DKK2: variants seen among roughly 807,000 people sequenced by gnomAD.
DKK2 encodes the protein dickkopf-related protein 2.
Under a neutral mutation model 28.1 loss-of-function variants are expected in DKK2, and 11 were observed. The observed-to-expected ratio is 0.39, with a 90% confidence interval of 0.25 to 0.65. The LOEUF (loss-of-function observed/expected upper bound fraction) is 0.65. Ranked by LOEUF, DKK2 falls within the 30% of genes least tolerant of loss-of-function variation. DKK2 has a pLI of 0.47. For missense variants in DKK2, 326 were observed against 335.5 expected (o/e 0.97, Z 0.22); for synonymous variants, 135 against 126.5 (o/e 1.07, Z -0.45).
chr4:106,938,407 A>G (rs1306247480), intron 1 of DKK2, among the ~76,000 whole-genome samples: 1 of 152,202 alleles, frequency 6.6e-6, no homozygotes, highest in Admixed American at 6.5e-5. Flanking sequence ...CACTCTCCCA[A>G]GACTAAACCA....
intron 1 of DKK2, among the ~76,000 whole-genome samples, chr4:106,997,627 T>C (rs902764382): frequency 2.0e-5 from 3 of 152,170 alleles, no homozygotes; most frequent in African/African-American, 7.2e-5. Flanking sequence ...AAAAAGTTAA[T>C]GGGGAGACAG....
intron 1 of DKK2, among the ~76,000 whole-genome samples, chr4:107,028,220 A>G (rs867055981): frequency 6.6e-6 from 1 of 152,174 alleles, no homozygotes; most frequent in Non-Finnish European, 1.5e-5. Flanking sequence ...GTGTATGTGC[A>G]TGTTTATTTT....
intron 1 of DKK2, among the ~76,000 whole-genome samples, chr4:107,016,123 G>T (rs1723600845): frequency 2.0e-5 from 3 of 151,838 alleles, no homozygotes; most frequent in Admixed American, 2.0e-4. Context: ...GAAAGTCTGA[G>T]TCTGGGGGGC....
intron 1 of DKK2, among the ~76,000 whole-genome samples, chr4:107,003,059 T>C (rs1283762157): frequency 6.6e-6 from 1 of 152,246 alleles, no homozygotes; most frequent in East Asian, 1.9e-4. Flanking sequence ...TCAAGTCTAC[T>C]GGAACCTTGT....
intron 1 of DKK2, among the ~76,000 whole-genome samples, chr4:107,023,819 AC>A (rs1347727087): frequency 6.6e-6 from 1 of 152,114 alleles, no homozygotes; most frequent in Non-Finnish European, 1.5e-5. Flanking sequence ...AAACCTATTA[AC>A]AATAATTTAA....
intron 1 of DKK2, among the ~76,000 whole-genome samples, chr4:106,935,626 G>A (rs1427757976): frequency 1.3e-5 from 2 of 152,246 alleles, no homozygotes; most frequent in East Asian, 3.9e-4. Context: ...AGCTCAAGGA[G>A]GCCTGCCTGC....
chr4:106,925,910 T>A lies in DKK2; in HGVS notation c.262A>T (p.Arg88Trp). The A allele has an allele frequency of 6.2e-7, 1 of 1,613,298 alleles. No individual in the cohort carries two copies. The highest frequency in any genetic ancestry group is 2.2e-5 in the East Asian group (1 of 44,830). ...CSSDKECEVG[R>W]YCHSPHQGSS... ...CCTTGGTGGGGACTGTGGCAATACC[T>A]CCCAACTTCACACTCCTTATCACTG... Residue 88 changes from arginine (R) to tryptophan (W), a missense_variant, in exon 2 of 4, where the codon AGG becomes TGG. Arg to Trp is a moderately radical substitution (Grantham distance 101, BLOSUM62 -3). Transcript: ENST00000285311.
chr4:106,946,908 A>G (rs951409819), intron 1 of DKK2, among the ~76,000 whole-genome samples: 2 of 152,020 alleles, frequency 1.3e-5, no homozygotes, highest in South Asian at 2.1e-4. Flanking sequence ...AGGAAAACAC[A>G]TGCATTCCAA....
At chr4:106,999,285 A>G (rs1463045591) in intron 1 of DKK2, among the ~76,000 whole-genome samples, 1 of 152,232 alleles carries the variant, frequency 6.6e-6, no homozygotes, top group Non-Finnish European at 1.5e-5. Context: ...CTACTTCATA[A>G]ATAAAATCTG....
intron 1 of DKK2, among the ~76,000 whole-genome samples, chr4:106,980,005 T>A (rs1267610157): frequency 6.6e-6 from 1 of 152,210 alleles, no homozygotes; most frequent in African/African-American, 2.4e-5. Context: ...TTCTAAAACA[T>A]CATTTTGGTG....
At chr4:106,961,918 G>A (rs959861862) in intron 1 of DKK2, among the ~76,000 whole-genome samples, 5 of 152,104 alleles carry the variant, frequency 3.3e-5, no homozygotes, top group African/African-American at 1.2e-4. Context: ...TGCCGTAAGT[G>A]TTAGCCACTA....
intron 1 of DKK2, among the ~76,000 whole-genome samples, chr4:106,940,943 C>G (rs148887803): frequency 0.025 from 3,793 of 151,856 alleles, 62 homozygotes; most frequent in Non-Finnish European, 0.037. Flanking sequence ...GAATATCACA[C>G]TCTGGGGACT....
At chr4:107,013,144 C>G (rs1723539071) in intron 1 of DKK2, among the ~76,000 whole-genome samples, 2 of 150,970 alleles carry the variant, frequency 1.3e-5, no homozygotes, top group South Asian at 4.1e-4. Context: ...TTTGGGTAAT[C>G]TATTTAAAAA....
At chr4:106,979,458 T>C (rs199922264) in intron 1 of DKK2, among the ~76,000 whole-genome samples, 1 of 148,102 alleles carries the variant, frequency 6.8e-6, no homozygotes, top group Admixed American at 6.9e-5. Context: ...TTTTTTTTTT[T>C]CAAATACAGG....
chr4:106,967,512 G>T (rs1722800344), intron 1 of DKK2, among the ~76,000 whole-genome samples: 1 of 152,096 alleles, frequency 6.6e-6, no homozygotes. Context: ...GCAAGGTAGG[G>T]ATGGTGTGAG....
At chr4:107,026,035 G>A (rs1353482295) in intron 1 of DKK2, among the ~76,000 whole-genome samples, 1 of 152,170 alleles carries the variant, frequency 6.6e-6, no homozygotes, top group African/African-American at 2.4e-5. Context: ...AGTACATTGG[G>A]CAGATCATGA....
chr4:106,931,207 G>A lies in DKK2; in HGVS notation c.223-5258C>T, dbSNP rs140856600. On this transcript the variant is annotated intron_variant, in intron 1 of 3. Transcript: ENST00000285311. Reference sequence around the variant, plus strand: ...TTGAGGATTCATGAACATCAGGCCAGGGGGATTGAGCTATATTAAATTTAA... The same window carrying A: ...TTGAGGATTCATGAACATCAGGCCAAGGGGATTGAGCTATATTAAATTTAA... Among the ~76,000 whole-genome samples the A allele has an allele frequency of 1.8e-4, 28 of 152,206 alleles. 1 individual carries two copies. The East Asian group carries it at 5.4e-3, about 29-fold the overall frequency.
intron 1 of DKK2, among the ~76,000 whole-genome samples, chr4:106,969,481 C>G (rs1201359688): frequency 6.6e-6 from 1 of 151,882 alleles, no homozygotes; most frequent in Non-Finnish European, 1.5e-5. Context: ...AAAATTTACT[C>G]TGAAAATTAA....
intron 1 of DKK2, among the ~76,000 whole-genome samples, chr4:107,030,780 A>T (rs1723864927): frequency 6.6e-6 from 1 of 152,076 alleles, no homozygotes; most frequent in African/African-American, 2.4e-5. Flanking sequence ...TGTACATTTA[A>T]AGCAATTTTG....
Sources: allele counts gnomAD v4.1 joint callset (sites outside exome capture counted in the v4.1 genomes callset), GRCh38; gene constraint gnomAD v4.1.1; transcripts MANE v1.5; gene names NCBI Gene and HGNC (gene_info 2026-07-23, HGNC 2026-07-21).